C4orf51: variants seen among roughly 807,000 people sequenced by gnomAD.
The protein encoded by C4orf51 is uncharacterized protein C4orf51.
Under a neutral mutation model 25.2 loss-of-function variants are expected in C4orf51, and 25 were observed. That is an observed-to-expected ratio of 0.99 (90% CI 0.72 to 1.39). The LOEUF (loss-of-function observed/expected upper bound fraction) is 1.39, where lower values mean the gene tolerates loss of function less well. Among genes scored for constraint, C4orf51 ranks in the 40% most tolerant of loss-of-function variants. C4orf51 has a pLI of 0.00. For synonymous variants in C4orf51, 100 were observed against 84.5 expected (o/e 1.18, Z -1.01); for missense variants, 252 against 239.6 (o/e 1.05, Z -0.34).
At chr4:145,697,378 G>A (rs531245679) in intron 2 of C4orf51, among the ~76,000 whole-genome samples, 4 of 152,128 alleles carry the variant, frequency 2.6e-5, no homozygotes, top group East Asian at 3.9e-4. Flanking sequence ...GATTACAAGC[G>A]TAAGCCACCA....
At chr4:145,791,065 C>T in the C4orf51 span, among the ~76,000 whole-genome samples, 1 of 152,180 alleles carries the variant, frequency 6.6e-6, no homozygotes, top group Non-Finnish European at 1.5e-5. Context: ...ATCACAGACA[C>T]AGGACTGGGA....
At chr4:145,730,126 T>C (rs895059511) in intron 5 of C4orf51, among the ~76,000 whole-genome samples, 161 bp downstream of exon 5, 2 of 152,202 alleles carry the variant, frequency 1.3e-5, no homozygotes, top group Non-Finnish European at 2.9e-5. Context: ...AGCGGAGCTG[T>C]TCTGATAAGA....
intron 5 of C4orf51, among the ~76,000 whole-genome samples, chr4:145,730,570 G>C (rs1214623217): frequency 6.6e-6 from 1 of 152,134 alleles, no homozygotes; most frequent in Admixed American, 6.5e-5. Flanking sequence ...ACTGGTTTTT[G>C]CATAGAAGTT....
chr4:145,702,366 C>A (rs1233860528), intron 2 of C4orf51, among the ~76,000 whole-genome samples: 1 of 151,910 alleles, frequency 6.6e-6, no homozygotes, highest in African/African-American at 2.4e-5. Context: ...TATTCCTTTG[C>A]ACCCTTCATC....
downstream of C4orf51, among the ~76,000 whole-genome samples, chr4:145,771,788 C>T (rs995284106): frequency 2.0e-5 from 3 of 152,188 alleles, no homozygotes; most frequent in African/African-American, 7.2e-5. Flanking sequence ...AGAGCTTATC[C>T]TGTAGATCAC....
intron 1 of C4orf51, among the ~76,000 whole-genome samples, chr4:145,740,029 G>A (rs878905043): frequency 1.3e-5 from 2 of 152,136 alleles, no homozygotes; most frequent in African/African-American, 2.4e-5. Context: ...GCAAACAAAC[G>A]TTAAGTTCAG....
In C4orf51 at chr4:145,688,839, G is replaced by A. The variant is rs375744786; in HGVS notation, c.234-7720G>A. On this transcript the variant is annotated intron_variant, in intron 1 of 5. Transcript: ENST00000438731. The stretch of plus-strand genomic sequence containing the variant: ...TTGACACAATGATTCTAAAATTTAT[G>A]TGGAACTACAAAGAGCCAGGCAATA... 9.9e-5 allele frequency among the ~76,000 whole-genome samples: 15 copies of A among 152,212 alleles called. No individual in the cohort carries two copies. The East Asian group carries it at 1.7e-3, about 18-fold the overall frequency.
Position 145,691,452 on chromosome 4 carries a change from G to A in C4orf51, c.234-5107G>A, listed in dbSNP as rs547364404. Among the ~76,000 whole-genome samples, 30 of 152,242 alleles carry A rather than the reference G, an allele frequency of 2.0e-4. No homozygotes were observed. In the South Asian group the frequency reaches 3.1e-3, roughly 16 times the overall value. ...CAATCTTATTACTGGGTATATATCC[G>A]AAGGAAAGTAAATCATTTCACCAAA... is the stretch of plus-strand genomic sequence containing the variant. On this transcript the variant is annotated intron_variant, in intron 1 of 5. Transcript: ENST00000438731.
At chr4:145,723,282 A>C (rs1199292855) in intron 2 of C4orf51, among the ~76,000 whole-genome samples, 2 of 152,202 alleles carry the variant, frequency 1.3e-5, no homozygotes, top group Non-Finnish European at 2.9e-5. Context: ...CTTTGTGTAC[A>C]TACAACTTAA....
the C4orf51 span, chr4:145,779,428 C>T: frequency 6.2e-7 from 1 of 1,614,126 alleles, no homozygotes; most frequent in Non-Finnish European, 8.5e-7. Context: ...AACACTTTCC[C>T]ACACACGTCA....
chr4:145,775,765 T>G (rs768303203), downstream of C4orf51: 3 of 1,613,392 alleles, frequency 1.9e-6, no homozygotes, highest in Non-Finnish European at 2.5e-6. Flanking sequence ...AAAGGCGGAC[T>G]AGCATGTTCC....
At chr4:145,768,605 A>G (rs13111951) in intron 1 of C4orf51, among the ~76,000 whole-genome samples, 47,780 of 151,450 alleles carry the variant, frequency 0.32, 9,443 homozygotes, top group Non-Finnish European at 0.45. Context: ...AGGTTAGGGG[A>G]GAAAATATAG....
At position 145,696,650 on chromosome 4, in the gene C4orf51, A is replaced by G. The variant is rs1323884561; in HGVS notation, c.307+18A>G. 1.1e-5 allele frequency: 18 copies of G among 1,595,126 alleles called. No individual in the cohort carries two copies. The highest frequency in any genetic ancestry group is 1.5e-5 in the Non-Finnish European group (18 of 1,166,348). ...TATCAAAGGTAAGTGCAACATGATC[A>G]GTTTCTGGGCCCAGCCCTTTTGCCA... On this transcript the variant is annotated intron_variant, in intron 2 of 5. Transcript: ENST00000438731.
At position 145,761,134 on chromosome 4, in the gene C4orf51, C is replaced by G. The variant is rs540108033; in HGVS notation, n.167-9854C>G. ...GACCACCAGGAGCGGGGCCCCCGGG[C>G]CGGCCGGTTCCTTGGGGGCTGGACA... is the stretch of plus-strand genomic sequence containing the variant. On this transcript the variant is annotated intron_variant and non_coding_transcript_variant, in intron 1 of 1. Coordinates refer to the C4orf51 transcript ENST00000510096. This position sits in a 1 kb window ranked among gnomAD's most constrained non-coding sequence, Gnocchi z 6.8. 17 of 1,289,566 alleles carry G rather than the reference C, an allele frequency of 1.3e-5. No homozygotes were observed. Among genetic ancestry groups the G allele is most frequent in the Non-Finnish European group, 1.7e-5 (17 of 988,766 alleles). 79.9% of individuals were successfully genotyped at this position (1,289,566 alleles called of 1,614,324 possible).
chr4:145,707,963 G>A (rs1730914961), intron 2 of C4orf51, among the ~76,000 whole-genome samples: 2 of 152,240 alleles, frequency 1.3e-5, no homozygotes, highest in African/African-American at 4.8e-5. Context: ...CCCAGGGGTG[G>A]TTTGGCCCTT....
At chr4:145,724,612 T>C (rs1386508887) in intron 2 of C4orf51, among the ~76,000 whole-genome samples, 1 of 152,142 alleles carries the variant, frequency 6.6e-6, no homozygotes, top group Non-Finnish European at 1.5e-5. Context: ...CTGGGCACCA[T>C]GGCTCATGCC....
intron 2 of C4orf51, among the ~76,000 whole-genome samples, chr4:145,714,684 T>G (rs1459205623): frequency 6.6e-6 from 1 of 152,156 alleles, no homozygotes; most frequent in African/African-American, 2.4e-5. Flanking sequence ...AAAAATACAG[T>G]GTTTCTTAGG....
downstream of C4orf51, among the ~76,000 whole-genome samples, chr4:145,733,003 C>G (rs761081142): frequency 2.0e-4 from 31 of 152,208 alleles, no homozygotes; most frequent in Non-Finnish European, 3.5e-4. Context: ...CGCAAGGCGC[C>G]GCCGGGAAGC....
chr4:145,694,675 C>T (rs1293948394), intron 1 of C4orf51, among the ~76,000 whole-genome samples: 1 of 136,964 alleles, frequency 7.3e-6, no homozygotes, highest in Non-Finnish European at 1.6e-5. Context: ...CCCGGCCAGC[C>T]GCCCCGTCGG....
Sources: gnomAD v4.1 joint callset for allele counts (sites outside exome capture counted in the v4.1 genomes callset) on GRCh38, gnomAD v4.1.1 for gene constraint, Gnocchi (gnomAD v3.1) non-coding constraint, MANE v1.5 for transcripts, NCBI Gene and HGNC (gene_info 2026-07-23, HGNC 2026-07-21) for gene names.